Variants in GAPVD1 observed in about 807,000 individuals in gnomAD.
GAPVD1 encodes GTPase-activating protein and VPS9 domain-containing protein 1.
In GAPVD1, 35 loss-of-function variants were observed where a neutral mutation model predicts 155.5. The ratio of observed to expected loss-of-function variants is 0.23; its 90% confidence interval spans 0.17 to 0.30. The LOEUF is 0.30. Among genes scored for constraint, GAPVD1 ranks in the 10% least tolerant of loss-of-function variants. The pLI, the probability that GAPVD1 is intolerant of heterozygous loss-of-function variation, is 1.00. For synonymous variants in GAPVD1, 636 were observed against 619.7 expected, an observed-to-expected ratio of 1.03 and a Z score of -0.39; for missense variants, 1,429 against 1,775.7, an observed-to-expected ratio of 0.80 and a Z score of 3.51.
chr9:125,359,892 T>G (rs1850669361), intron 26 of GAPVD1: 1 of 164,678 alleles, frequency 6.1e-6, no homozygotes, highest in Non-Finnish European at 1.3e-5. Context: ...AGATTACCTT[T>G]TAGTCATTGA....
rs1842268024 is a variant in GAPVD1 at position 125,308,942 on chromosome 9, TG to T, written c.1441+1063del. The T allele has an allele frequency of 2.0e-5, 3 of 152,222 alleles. No individual in the cohort carries two copies. In the South Asian group the frequency reaches 6.2e-4, roughly 31 times the overall value. The allele number at this position is 152,222 out of a possible 1,614,324, so 9.4% of individuals were successfully genotyped here. Reference sequence around the variant, plus strand: ...TATCAGGAGAAGATCTTGGAGCAGGTGAAGTCTGTTTGCACTTTGTGATGAA... The same window carrying T: ...TATCAGGAGAAGATCTTGGAGCAGGTAAGTCTGTTTGCACTTTGTGATGAA... On this transcript the variant is annotated intron_variant, in intron 8 of 27. Transcript: ENST00000297933.
chr9:125,264,782 G>A (rs1213474838), intron 1 of GAPVD1, among the ~76,000 whole-genome samples: 11 of 150,962 alleles, frequency 7.3e-5, no homozygotes, highest in African/African-American at 2.7e-4. Flanking sequence ...GCAGTGGCGC[G>A]ATCTCAGCTC....
chr9:125,314,848 T>C (rs1843168990), intron 9 of GAPVD1, among the ~76,000 whole-genome samples: 1 of 147,398 alleles, frequency 6.8e-6, no homozygotes, highest in South Asian at 2.2e-4. Flanking sequence ...AGTGCAGTGG[T>C]GCGATCTCGG....
chr9:125,311,935 G>C (rs781411364), intron 8 of GAPVD1, among the ~76,000 whole-genome samples: 133 of 152,142 alleles, frequency 8.7e-4, no homozygotes, highest in Non-Finnish European at 1.5e-3. Context: ...GCCCTGGCTG[G>C]TCTCGAACTC....
intron 26 of GAPVD1, 93 bp downstream of exon 26, chr9:125,359,585 G>A (rs909936167): frequency 8.4e-6 from 6 of 710,462 alleles, no homozygotes; most frequent in African/African-American, 3.5e-5. Context: ...GAACTGAAAT[G>A]TGATAAAATA....
At position 125,358,257 on chromosome 9, in the gene GAPVD1, C is replaced by T. The variant is rs886939513; in HGVS notation, c.3972-1163C>T. ...AGTAGCTGGGATTACAGGCACATGG[C>T]ACCATGCCCAGCTAATTTTTGTATT... is the stretch of plus-strand genomic sequence containing the variant. On this transcript the variant is annotated intron_variant, in intron 25 of 27. Coordinates refer to ENST00000297933, the MANE Select transcript of GAPVD1 (RefSeq NM_001282680.3). Among the ~76,000 whole-genome samples, 9 of 152,240 alleles carry T rather than the reference C, an allele frequency of 5.9e-5. No homozygotes were observed. In the East Asian group the frequency reaches 1.5e-3, roughly 26 times the overall value.
At position 125,326,606 on chromosome 9, in the gene GAPVD1, G is replaced by A. The variant is rs2131639030; in HGVS notation, c.2032+17G>A. The A allele has an allele frequency of 2.5e-6, 4 of 1,578,122 alleles. No individual in the cohort carries two copies. The highest frequency in any genetic ancestry group is 1.3e-5 in the African/African-American group (1 of 74,328). On this transcript the variant is annotated intron_variant, in intron 12 of 27. Transcript: ENST00000297933. ...AAATTGCAGGTAACTGCCATTTAAT[G>A]TCTCTGAAATATCACGGTTTAGTTA...
Position 125,299,011 on chromosome 9 carries a change from C to T in GAPVD1, c.90C>T (p.Leu30=), listed in dbSNP as rs1273679199. The stretch of plus-strand genomic sequence containing the variant: ...CTGAGAAACAGCTCATTCAGAGGCT[C>T]AATGCAGATGTACTTAAGACAGCTG... The part of the protein sequence containing the change: ...VNSEKQLIQR[L]NADVLKTAEK... Residue 30 remains leucine, a synonymous_variant, in exon 4 of 28, where the codon CTC becomes CTT. Transcript: ENST00000297933. 1.9e-6 allele frequency: 3 copies of T among 1,609,918 alleles called. No homozygotes were observed. The East Asian group carries it at 6.7e-5, about 36-fold the overall frequency.
chr9:125,331,963 A>G lies in GAPVD1; in HGVS notation c.2211A>G (p.Glu737=). The change falls in exon 14 of 28, where the codon GAA becomes GAG. Residue 737 remains glutamate, a synonymous_variant. Transcript: ENST00000297933. ...PDLKQEERLQ[E]LESCSGLGST... is the part of the protein sequence containing the mutation. ...TAAAGCAGGAGGAGCGTCTGCAAGA[A>G]CTGGAGAGCTGTTCTGGACTGGGTA... 6.2e-7 allele frequency: 1 copy of G among 1,613,988 alleles called. No individual in the cohort carries two copies.
intron 19 of GAPVD1, chr9:125,345,889 A>G (rs776919186): frequency 1.3e-5 from 2 of 152,114 alleles, no homozygotes; most frequent in Non-Finnish European, 2.9e-5. Context: ...GTGTGTATAT[A>G]TATATATAAA....
At chr9:125,320,334 A>G (rs1397903774) in intron 9 of GAPVD1, among the ~76,000 whole-genome samples, 1 of 152,152 alleles carries the variant, frequency 6.6e-6, no homozygotes, top group East Asian at 1.9e-4. Context: ...GAGTAGTGAG[A>G]TGTAGTTATG....
chr9:125,349,516 A>G lies in GAPVD1; in HGVS notation c.3296A>G (p.Tyr1099Cys), dbSNP rs1225130480. The stretch of plus-strand genomic sequence containing the variant: ...CACCCGCAGGATTCAGCTTTCTCTT[A>G]CAGGTATTTCTTTTATAGGATTTGG... ...AAHPQDSAFS[Y>C]RDAKKKLRLA... Residue 1099 changes from tyrosine (Y) to cysteine (C), a missense_variant, in exon 21 of 28, where the codon TAC becomes TGC. Physicochemically the swap from Tyr to Cys is radical, Grantham distance 194 (BLOSUM62 -2). Transcript: ENST00000297933. The G allele has an allele frequency of 1.9e-6, 3 of 1,613,738 alleles. No homozygotes were observed. Among genetic ancestry groups the G allele is most frequent in the Non-Finnish European group, 2.5e-6 (3 of 1,179,786 alleles).
chr9:125,279,250 A>G (rs897728519), intron 2 of GAPVD1, among the ~76,000 whole-genome samples: 10 of 151,308 alleles, frequency 6.6e-5, no homozygotes, highest in South Asian at 6.3e-4. Flanking sequence ...CTTTTGCCCT[A>G]TTACATTAAT....
chr9:125,276,407 C>T (rs1016368341), intron 2 of GAPVD1, among the ~76,000 whole-genome samples: 6 of 152,050 alleles, frequency 3.9e-5, no homozygotes, highest in African/African-American at 1.2e-4. Context: ...AAATATCTTT[C>T]CAGTCTTTAA....
Position 125,364,616 on chromosome 9 carries a change from T to C in GAPVD1, c.*1870T>C, listed in dbSNP as rs893554098. 1.3e-5 allele frequency: 2 copies of C among 152,224 alleles called. No individual in the cohort carries two copies. Among genetic ancestry groups the C allele is most frequent in the Admixed American group, 6.5e-5 (1 of 15,272 alleles). 9.4% of individuals were successfully genotyped at this position (152,224 alleles called of 1,614,324 possible). Reference sequence around the variant, plus strand: ...TACAATACCAAAATAACAAATTGCATAGGAGTGTGGGATGTGGTTTCTGCC... The same window carrying C: ...TACAATACCAAAATAACAAATTGCACAGGAGTGTGGGATGTGGTTTCTGCC... On this transcript the variant is annotated 3_prime_UTR_variant, in exon 28 of 28. Transcript: ENST00000297933.
chr9:125,321,606 A>G, intron 10 of GAPVD1, 44 bp downstream of exon 10: 1 of 1,572,048 alleles, frequency 6.4e-7, no homozygotes, highest in Middle Eastern at 1.7e-4. Context: ...TTCAATTAAT[A>G]GTTTGTTTTG....
intron 4 of GAPVD1, 59 bp from the exon 5 acceptor site, chr9:125,301,924 G>C: frequency 8.0e-7 from 1 of 1,254,940 alleles, no homozygotes; most frequent in South Asian, 1.5e-5. Flanking sequence ...TATAGTATAT[G>C]TGTTATTATT....
At chr9:125,314,640 G>T (rs1336959258) in intron 9 of GAPVD1, among the ~76,000 whole-genome samples, 1 of 151,818 alleles carries the variant, frequency 6.6e-6, no homozygotes, top group Non-Finnish European at 1.5e-5. Context: ...GGCAACAAGA[G>T]TGAAACTCTG....
At chr9:125,333,485 CTTTT>C (rs36083522) in intron 15 of GAPVD1, among the ~76,000 whole-genome samples, 9 of 124,362 alleles carry the variant, frequency 7.2e-5, no homozygotes, top group Non-Finnish European at 1.2e-4. Context: ...TACCTTTTGT[CTTTT>C]TTTTTTTTTT....
Sources: allele counts gnomAD v4.1 joint callset (sites outside exome capture counted in the v4.1 genomes callset), GRCh38; gene constraint gnomAD v4.1.1; transcripts MANE v1.5; gene names NCBI Gene and HGNC (gene_info 2026-07-23, HGNC 2026-07-21).